ARFGEF3: variants seen among roughly 807,000 people sequenced by gnomAD.
ARFGEF3 encodes the protein brefeldin A-inhibited guanine nucleotide-exchange protein 3.
ARFGEF3 carries 96 observed loss-of-function variants against 221.7 expected under a neutral mutation model. The ratio of observed to expected loss-of-function variants is 0.43; its 90% CI spans 0.37 to 0.51. The LOEUF (loss-of-function observed/expected upper bound fraction) is 0.51. Among genes scored for constraint, ARFGEF3 ranks in the 20% least tolerant of loss-of-function variants. The pLI, the probability that ARFGEF3 is intolerant of heterozygous loss-of-function variation, is 0.00. For missense variants in ARFGEF3, 2,410 were observed against 2,789.9 expected (o/e 0.86, Z 3.07); for synonymous variants, 1,145 against 1,126.8 (o/e 1.02, Z -0.32).
chr6:138,307,802 G>A (rs1159044197), intron 23 of ARFGEF3, among the ~76,000 whole-genome samples: 1 of 152,140 alleles, frequency 6.6e-6, no homozygotes, highest in Non-Finnish European at 1.5e-5. Context: ...CATGCCCAGG[G>A]CCCAGGGGTG....
chr6:138,169,735 T>C (rs1230822330), intron 1 of ARFGEF3, among the ~76,000 whole-genome samples: 1 of 152,234 alleles, frequency 6.6e-6, no homozygotes, highest in Non-Finnish European at 1.5e-5. Flanking sequence ...CTCATCTTTC[T>C]GTTTTGCTGA....
At chr6:138,202,175 G>A (rs982763009) in intron 2 of ARFGEF3, among the ~76,000 whole-genome samples, 3 of 152,128 alleles carry the variant, frequency 2.0e-5, no homozygotes, top group South Asian at 2.1e-4. Context: ...AAAAATAATC[G>A]CCTAATGTAA....
intron 2 of ARFGEF3, among the ~76,000 whole-genome samples, chr6:138,172,964 T>A (rs1177980342): frequency 6.6e-6 from 1 of 152,206 alleles, no homozygotes; most frequent in East Asian, 1.9e-4. Flanking sequence ...TTACAGGAAA[T>A]ATTTTAAAAA....
Position 138,176,202 on chromosome 6 carries a change from G to A in ARFGEF3, c.137+5489G>A, listed in dbSNP as rs1053801684. Among the ~76,000 whole-genome samples the A allele has an allele frequency of 4.7e-3, 398 of 84,092 alleles. 2 individuals carry two copies. The highest frequency in any genetic ancestry group is 8.2e-3 in the Admixed American group (58 of 7,112). The allele number at this position is 84,092 out of a possible 152,430, so 55.2% of individuals were successfully genotyped here. On this transcript the variant is annotated intron_variant, in intron 2 of 33. Transcript: ENST00000251691. ...TTGGATTTTTTTTTTTTTTTTTTTA[G>A]ACGGAGTCTTGCTGTGTCACCCAGG...
In ARFGEF3 at chr6:138,293,476, C is replaced by T. The variant is rs534013290; in HGVS notation, c.3369-517C>T. On this transcript the variant is annotated intron_variant, in intron 19 of 33. Transcript: ENST00000251691. ...TCCAAATAGATACTTGAGTTCCCAT[C>T]ACATCCAGGCCTTTGGGTGTGTATG... Among the ~76,000 whole-genome samples the T allele has an allele frequency of 5.3e-5, 8 of 152,338 alleles. No individual in the cohort carries two copies. The East Asian group carries it at 1.3e-3, about 26-fold the overall frequency.
Position 138,308,796 on chromosome 6 carries a change from T to G in ARFGEF3, c.4031T>G (p.Ile1344Ser). 1 of 1,613,992 alleles carries G rather than the reference T, an allele frequency of 6.2e-7. No homozygotes were observed. Residue 1344 changes from isoleucine to serine, a missense_variant, in exon 24 of 34, where the codon ATC becomes AGC. Ile to Ser is a moderately radical substitution (Grantham distance 142). Transcript: ENST00000251691. The part of the protein sequence containing the change: ...VFEAFLNTDN[I>S]QVFANAATSY... The stretch of plus-strand genomic sequence containing the variant: ...GAAGCTTTTCTCAATACTGACAACA[T>G]CCAGGTCTTTGCTAATGCAGCCACT...
At position 138,322,250 on chromosome 6, in the gene ARFGEF3, C is replaced by G. The variant is rs1453292573; in HGVS notation, c.4766+1025C>G. ...CTGCCCCTGGACTGTACTTACATCT[C>G]CCCGTTCTCAGGCTTTCAGACTTGG... On this transcript the variant is annotated intron_variant, in intron 29 of 33. Transcript: ENST00000251691. Among the ~76,000 whole-genome samples the G allele has an allele frequency of 3.3e-5, 5 of 152,162 alleles. No homozygotes were observed. In the East Asian group the frequency reaches 9.6e-4, roughly 29 times the overall value.
chr6:138,325,842 T>TTTG (rs771270994), intron 31 of ARFGEF3, among the ~76,000 whole-genome samples: 7 of 151,896 alleles, frequency 4.6e-5, no homozygotes, highest in South Asian at 2.1e-4. Context: ...TTCTGTTGTT[T>TTTG]TTGTTGTTGT....
At chr6:138,171,464 C>T (rs1428564041) in intron 2 of ARFGEF3, among the ~76,000 whole-genome samples, 1 of 152,210 alleles carries the variant, frequency 6.6e-6, no homozygotes, top group Non-Finnish European at 1.5e-5. Context: ...CCTGGCTGGA[C>T]ATCATCTGAC....
chr6:138,222,881 T>C (rs1013162590), intron 4 of ARFGEF3, among the ~76,000 whole-genome samples: 1 of 152,056 alleles, frequency 6.6e-6, no homozygotes, highest in Non-Finnish European at 1.5e-5. Flanking sequence ...CCCTCCCCCA[T>C]TCTGAGTCTC....
intron 2 of ARFGEF3, among the ~76,000 whole-genome samples, chr6:138,189,692 T>C (rs1406850242): frequency 2.6e-5 from 4 of 152,212 alleles, no homozygotes; most frequent in Admixed American, 2.6e-4. Context: ...CGTTTTACTG[T>C]CTCCTTTATT....
intron 27 of ARFGEF3, among the ~76,000 whole-genome samples, chr6:138,317,882 G>T (rs1779954345): frequency 6.6e-6 from 1 of 152,126 alleles, no homozygotes; most frequent in Non-Finnish European, 1.5e-5. Flanking sequence ...AAGACATATA[G>T]TCCTTGCCTA....
rs772700641 is a variant in ARFGEF3, at chr6:138,210,007, C to T, written c.317C>T (p.Ser106Leu). The T allele has an allele frequency of 8.1e-6, 13 of 1,613,672 alleles. No individual in the cohort carries two copies. The highest frequency in any genetic ancestry group is 1.0e-5 in the Non-Finnish European group (12 of 1,179,790). The change falls in exon 4 of 34, where the codon TCG (serine) becomes TTG (leucine). Residue 106 changes from serine to leucine, a missense_variant. Ser to Leu is a moderately radical substitution (Grantham distance 145). Transcript: ENST00000251691. ...CTGAATGCCGTGAAAGTGACGCCTT[C>T]GCTCAACGAGGACCTGCAGGTGGAA... ...QILNAVKVTP[S>L]LNEDLQVEVM...
In ARFGEF3 at chr6:138,238,537, G is replaced by A; in HGVS notation, c.449G>A (p.Cys150Tyr). 1 of 1,613,794 alleles carries A rather than the reference G, an allele frequency of 6.2e-7. No homozygotes were observed. Among genetic ancestry groups the A allele is most frequent in the Non-Finnish European group, 8.5e-7 (1 of 1,179,750 alleles). ...TGCATTGAGACGTACATAAGCAGCT[G>A]TCACCAGCGTAGCATAAACACTGCT... ...EVCIETYISSCHQRSINTAVR... is the reference protein window; with the variant it reads ...EVCIETYISSYHQRSINTAVR... The change falls in exon 6 of 34, where the codon TGT becomes TAT. Residue 150 changes from cysteine (C) to tyrosine (Y), a missense_variant. By Grantham distance (194) the Cys-to-Tyr change is radical. Around this residue, in one of 5 missense-constraint regions of ARFGEF3, gnomAD observed 570 missense variants for 586.9 expected, o/e 0.97. Coordinates refer to ENST00000251691, the MANE Select transcript of ARFGEF3 (RefSeq NM_020340.5).
At chr6:138,199,904 A>G (rs1478017419) in intron 2 of ARFGEF3, among the ~76,000 whole-genome samples, 2 of 152,174 alleles carry the variant, frequency 1.3e-5, no homozygotes, top group African/African-American at 4.8e-5. Context: ...TAGGATTTCC[A>G]GTACTATGTT....
chr6:138,194,419 C>T (rs1467639254), intron 2 of ARFGEF3, among the ~76,000 whole-genome samples: 3 of 152,134 alleles, frequency 2.0e-5, no homozygotes, highest in Non-Finnish European at 2.9e-5. Flanking sequence ...CTGGAGATTC[C>T]GGGCAGGGTG....
intron 26 of ARFGEF3, among the ~76,000 whole-genome samples, chr6:138,317,046 T>G (rs1326693408): frequency 6.6e-6 from 1 of 152,250 alleles, no homozygotes; most frequent in Admixed American, 6.5e-5. Flanking sequence ...GAAGGAAATG[T>G]GAGCAGTATT....
chr6:138,185,055 C>G (rs1169514725), intron 2 of ARFGEF3, among the ~76,000 whole-genome samples: 1 of 152,212 alleles, frequency 6.6e-6, no homozygotes, highest in East Asian at 1.9e-4. Context: ...ATGAACCTGA[C>G]TAGGTATAGG....
intron 1 of ARFGEF3, among the ~76,000 whole-genome samples, chr6:138,169,811 C>A (rs960861208): frequency 6.6e-6 from 1 of 152,242 alleles, no homozygotes; most frequent in African/African-American, 2.4e-5. Context: ...TCCTATCAGG[C>A]CTGTTCTTAG....
Sources: gnomAD v4.1 joint callset for allele counts (sites outside exome capture counted in the v4.1 genomes callset) on GRCh38, gnomAD v4.1.1 for gene constraint, gnomAD v4.1.1 regional missense constraint, MANE v1.5 for transcripts, NCBI Gene and HGNC (gene_info 2026-07-23, HGNC 2026-07-21) for gene names.